Variants in FARP1 observed in about 807,000 individuals in gnomAD.
FARP1 encodes the protein FERM, ARHGEF and pleckstrin domain-containing protein 1.
Under a neutral mutation model 128.8 loss-of-function variants are expected in FARP1, and 52 were observed. The ratio of observed to expected loss-of-function variants is 0.40; its 90% confidence interval spans 0.32 to 0.51. FARP1 has a LOEUF of 0.51. Among genes scored for constraint, FARP1 ranks in the 20% least tolerant of loss-of-function variants. FARP1 has a pLI of 0.45. For missense variants in FARP1, 1,333 were observed against 1,367.9 expected (o/e 0.97, Z 0.40); for synonymous variants, 580 against 551.8 (o/e 1.05, Z -0.72).
chr13:98,438,236 G>A (rs975810057), intron 19 of FARP1, among the ~76,000 whole-genome samples: 1 of 152,148 alleles, frequency 6.6e-6, no homozygotes, highest in African/African-American at 2.4e-5. Flanking sequence ...TATCCTCAAC[G>A]CAGTTACTGC....
chr13:98,396,765 G>A (rs1479915547), intron 13 of FARP1: 4 of 326,088 alleles, frequency 1.2e-5, no homozygotes, highest in African/African-American at 6.3e-5. Context: ...TTTGCTGGTT[G>A]AAGGCTAGGA....
At chr13:98,354,547 A>G (rs1359946388) in intron 3 of FARP1, among the ~76,000 whole-genome samples, 2 of 152,250 alleles carry the variant, frequency 1.3e-5, no homozygotes, top group African/African-American at 4.8e-5. Context: ...AGAGGTACAA[A>G]TCTTTGAAAA....
intron 6 of FARP1, among the ~76,000 whole-genome samples, chr13:98,381,955 C>A (rs1189036690): frequency 6.6e-6 from 1 of 151,992 alleles, no homozygotes; most frequent in East Asian, 1.9e-4. Flanking sequence ...GAGTTCAAGA[C>A]CAGCCTAGGC....
intron 2 of FARP1, among the ~76,000 whole-genome samples, chr13:98,257,355 C>T (rs181788269): frequency 2.0e-5 from 3 of 152,258 alleles, no homozygotes; most frequent in Middle Eastern, 3.4e-3. Flanking sequence ...CTCACTGACA[C>T]GTCTAATTTT....
chr13:98,179,058 C>A (rs1878312953), intron 1 of FARP1, among the ~76,000 whole-genome samples: 1 of 152,076 alleles, frequency 6.6e-6, no homozygotes, highest in Admixed American at 6.5e-5. Context: ...ATGTTGGTGT[C>A]CATATTAGTC....
intron 2 of FARP1, among the ~76,000 whole-genome samples, chr13:98,273,413 C>G (rs60066494): frequency 0.028 from 4,192 of 152,262 alleles, 185 homozygotes; most frequent in African/African-American, 0.095. Flanking sequence ...TAATGCTGGT[C>G]AGTTGTGCCT....
intron 1 of FARP1, among the ~76,000 whole-genome samples, chr13:98,196,849 A>T (rs1249570645): frequency 1.3e-5 from 2 of 152,236 alleles, no homozygotes; most frequent in Non-Finnish European, 2.9e-5. Context: ...TCATTTTCCC[A>T]CAAGGGATTT....
chr13:98,307,500 T>A (rs1480636960), intron 2 of FARP1, among the ~76,000 whole-genome samples: 1 of 152,074 alleles, frequency 6.6e-6, no homozygotes. Context: ...GCCTTGTGGG[T>A]GTCCCGAGGT....
chr13:98,175,980 T>C (rs1311717233), intron 1 of FARP1: 1 of 623,444 alleles, frequency 1.6e-6, no homozygotes. Context: ...TTGGGTTGTT[T>C]ACACCTCTTG....
intron 13 of FARP1, among the ~76,000 whole-genome samples, chr13:98,409,031 G>T (rs1450523804): frequency 6.6e-6 from 1 of 152,226 alleles, no homozygotes; most frequent in African/African-American, 2.4e-5. Flanking sequence ...GTAAGCAGTA[G>T]TTGGGAGATG....
chr13:98,369,556 C>T (rs1372720576), intron 5 of FARP1, among the ~76,000 whole-genome samples: 2 of 151,938 alleles, frequency 1.3e-5, no homozygotes, highest in East Asian at 3.9e-4. Context: ...TGATGTTCCC[C>T]TTCCTGTGTC....
intron 2 of FARP1, among the ~76,000 whole-genome samples, chr13:98,305,107 T>C (rs540580013): frequency 3.0e-5 from 1 of 33,836 alleles, no homozygotes; most frequent in South Asian, 1.0e-3. Context: ...TAAATGTGTA[T>C]ATATATATAT....
At position 98,451,852 on chromosome 13, in the gene FARP1, C is replaced by T. The variant is rs905087064; in HGVS notation, c.*3535C>T. On this transcript the variant is annotated 3_prime_UTR_variant, in exon 27 of 27. Transcript: ENST00000319562. ...CACAGCAAACCAAGAAAAACAGACACACTGGCTGCCTGCCTAGCAAGCATA... is the reference window on the plus strand; with the variant it reads ...CACAGCAAACCAAGAAAAACAGACATACTGGCTGCCTGCCTAGCAAGCATA... 1.3e-5 allele frequency: 2 copies of T among 152,368 alleles called. No individual in the cohort carries two copies. Among genetic ancestry groups the T allele is most frequent in the Non-Finnish European group, 2.9e-5 (2 of 68,134 alleles). The allele number at this position is 152,368 out of a possible 1,614,324, so 9.4% of individuals were successfully genotyped here. A position where few individuals can be genotyped will look rare whatever the true frequency, so the allele number is the denominator to read the frequency against.
intron 2 of FARP1, among the ~76,000 whole-genome samples, chr13:98,247,306 C>T (rs187115662): frequency 5.3e-4 from 80 of 152,350 alleles, no homozygotes; most frequent in African/African-American, 1.3e-3. Flanking sequence ...AATAGTGTCA[C>T]GCCCAGGGTG....
intron 19 of FARP1, 179 bp downstream of exon 19, chr13:98,435,885 A>G (rs1892247637): frequency 4.1e-6 from 3 of 723,628 alleles, no homozygotes; most frequent in Non-Finnish European, 2.5e-6. Context: ...TTGTGTTCGG[A>G]GGAGATAAAG....
At chr13:98,387,906 T>G in intron 8 of FARP1, among the ~76,000 whole-genome samples, 1 of 152,224 alleles carries the variant, frequency 6.6e-6, no homozygotes, top group East Asian at 1.9e-4. Flanking sequence ...TCTGCCACAT[T>G]AAACGTGTCA....
At chr13:98,172,598 T>G (rs1270655249) in intron 1 of FARP1, among the ~76,000 whole-genome samples, 1 of 152,234 alleles carries the variant, frequency 6.6e-6, no homozygotes, top group Non-Finnish European at 1.5e-5. Flanking sequence ...GCCCGCTTCC[T>G]GGTTTCTTTT....
chr13:98,429,343 G>A (rs1202434261), intron 17 of FARP1, among the ~76,000 whole-genome samples: 1 of 152,202 alleles, frequency 6.6e-6, no homozygotes, highest in African/African-American at 2.4e-5. Context: ...GGCTCAGGGT[G>A]AGTCGCAAGC....
rs138138334 is a variant in FARP1, at chr13:98,224,002, C to T, written c.171+10589C>T. Among the ~76,000 whole-genome samples, 81 of 152,270 alleles carry T rather than the reference C, an allele frequency of 5.3e-4. No individual in the cohort carries two copies. The East Asian group carries it at 8.7e-3, about 16-fold the overall frequency. On this transcript the variant is annotated intron_variant, in intron 2 of 26. Transcript: ENST00000319562. ...TATAAAATGCAATTGGCTATTATCC[C>T]ATCTTCCAGTGGCCATTTGTCAGTG...
Sources: allele counts gnomAD v4.1 joint callset (sites outside exome capture counted in the v4.1 genomes callset), GRCh38; gene constraint gnomAD v4.1.1; transcripts MANE v1.5; gene names NCBI Gene and HGNC (gene_info 2026-07-23, HGNC 2026-07-21).